Variants in FBXO4 observed in about 807,000 individuals in gnomAD.
FBXO4 encodes F-box protein 4.
FBXO4 carries 36 observed loss-of-function variants against 43.7 expected under a neutral mutation model. The ratio of observed to expected loss-of-function variants is 0.82; its 90% confidence interval spans 0.63 to 1.09. The LOEUF is 1.09. FBXO4 is among the 50% of genes least tolerant of loss of function. The pLI is 0.00. For synonymous variants in FBXO4, 180 were observed against 165.6 expected (o/e 1.09, Z -0.67); for missense variants, 435 against 474.1 (o/e 0.92, Z 0.77).
the FBXO4 span, among the ~76,000 whole-genome samples, chr5:41,954,715 T>A: frequency 6.6e-6 from 1 of 152,342 alleles, no homozygotes; most frequent in South Asian, 2.1e-4. Flanking sequence ...TTTATTTAAA[T>A]CTCTTCATAA....
chr5:42,017,964 T>C, the FBXO4 span, among the ~76,000 whole-genome samples: 1 of 151,962 alleles, frequency 6.6e-6, no homozygotes, highest in Non-Finnish European at 1.5e-5. Context: ...TACTCAGTAA[T>C]TAGATTTCTG....
the FBXO4 span, among the ~76,000 whole-genome samples, chr5:42,034,260 T>TTAGAATCGTAGAATCG: frequency 5.9e-5 from 9 of 152,216 alleles, no homozygotes; most frequent in Admixed American, 5.9e-4. Context: ...ATTCTGGATA[T>TTAGAATCGTAGAATCG]TAGACCTTTG....
chr5:42,007,281 A>G, the FBXO4 span, among the ~76,000 whole-genome samples: 3 of 151,954 alleles, frequency 2.0e-5, no homozygotes, highest in Non-Finnish European at 4.4e-5. Context: ...CTTTTTATGA[A>G]TGATTTATGA....
Position 41,925,296 on chromosome 5 carries a change from G to A in FBXO4, c.-14G>A, listed in dbSNP as rs1751438431. ...CGTGGCTCTAAGACGCGTCACCCACGCTGCGGGCAAGCCATGGCGGGAAGC... is the reference window on the plus strand; with the variant it reads ...CGTGGCTCTAAGACGCGTCACCCACACTGCGGGCAAGCCATGGCGGGAAGC... On this transcript the variant is annotated 5_prime_UTR_variant, in exon 1 of 7. Transcript: ENST00000281623. 1.2e-5 allele frequency: 16 copies of A among 1,324,688 alleles called. No homozygotes were observed. Among genetic ancestry groups the A allele is most frequent in the Non-Finnish European group, 1.5e-5 (15 of 1,031,884 alleles). 82.1% of individuals were successfully genotyped at this position (1,324,688 alleles called of 1,614,324 possible). A position where few individuals can be genotyped will look rare whatever the true frequency, so the allele number is the denominator to read the frequency against.
At chr5:41,954,129 T>G in the FBXO4 span, among the ~76,000 whole-genome samples, 10 of 152,080 alleles carry the variant, frequency 6.6e-5, no homozygotes, top group Non-Finnish European at 8.8e-5. Flanking sequence ...AATATAAAAG[T>G]CAAATAATTT....
At chr5:41,999,695 A>G in the FBXO4 span, among the ~76,000 whole-genome samples, 2 of 151,198 alleles carry the variant, frequency 1.3e-5, no homozygotes, top group South Asian at 4.2e-4. Context: ...GTTCAATGTT[A>G]GAGGGCAGGA....
At chr5:41,931,778 A>C (rs1751694499) in intron 3 of FBXO4, among the ~76,000 whole-genome samples, 2 of 152,218 alleles carry the variant, frequency 1.3e-5, no homozygotes, top group African/African-American at 4.8e-5. Context: ...GATTGGAGAC[A>C]GGTGCTGAAA....
chr5:41,992,550 A>G, the FBXO4 span, among the ~76,000 whole-genome samples: 2 of 152,224 alleles, frequency 1.3e-5, no homozygotes, highest in Non-Finnish European at 2.9e-5. Flanking sequence ...TCTATTGTGG[A>G]AGGCAAATGG....
At chr5:42,004,943 A>C in the FBXO4 span, among the ~76,000 whole-genome samples, 2 of 152,138 alleles carry the variant, frequency 1.3e-5, no homozygotes, top group Admixed American at 1.3e-4. Context: ...GGACGGAGGC[A>C]TTGATTGATT....
chr5:42,037,094 A>G, the FBXO4 span, among the ~76,000 whole-genome samples: 3 of 152,112 alleles, frequency 2.0e-5, no homozygotes, highest in East Asian at 1.9e-4. Flanking sequence ...TTATTTTTGC[A>G]TGGCTTCTAT....
the FBXO4 span, among the ~76,000 whole-genome samples, chr5:42,020,466 T>C: frequency 6.6e-6 from 1 of 152,346 alleles, no homozygotes; most frequent in Middle Eastern, 3.4e-3. Flanking sequence ...GTGAGTGTTG[T>C]ATCACTTAGG....
At chr5:41,999,357 T>C in the FBXO4 span, among the ~76,000 whole-genome samples, 1 of 147,232 alleles carries the variant, frequency 6.8e-6, no homozygotes, top group Non-Finnish European at 1.5e-5. Flanking sequence ...ATGTATTAGT[T>C]AGGGTTCTCT....
the FBXO4 span, among the ~76,000 whole-genome samples, chr5:42,006,224 C>G: frequency 4.6e-5 from 7 of 152,158 alleles, no homozygotes; most frequent in East Asian, 1.3e-3. Flanking sequence ...CTGACATTTC[C>G]TCTTAATATC....
At chr5:42,029,082 C>G in the FBXO4 span, among the ~76,000 whole-genome samples, 1 of 151,902 alleles carries the variant, frequency 6.6e-6, no homozygotes, top group African/African-American at 2.4e-5. Flanking sequence ...CATTCCTTTT[C>G]TTTCTTATTG....
the FBXO4 span, among the ~76,000 whole-genome samples, chr5:41,948,332 T>C: frequency 6.6e-6 from 1 of 152,126 alleles, no homozygotes; most frequent in African/African-American, 2.4e-5. Context: ...AGACGGGGTT[T>C]CACCCTGTTA....
chr5:41,926,579 G>A (rs1751508979), intron 1 of FBXO4, among the ~76,000 whole-genome samples: 1 of 152,028 alleles, frequency 6.6e-6, no homozygotes, highest in South Asian at 2.1e-4. Flanking sequence ...TCTCAAAAAA[G>A]AAAAAGACAA....
chr5:42,036,492 C>T, the FBXO4 span, among the ~76,000 whole-genome samples: 1 of 152,188 alleles, frequency 6.6e-6, no homozygotes, highest in South Asian at 2.1e-4. Context: ...GGGTCGTTAG[C>T]TCTTGTCTTA....
At chr5:42,012,968 C>T in the FBXO4 span, among the ~76,000 whole-genome samples, 1 of 152,060 alleles carries the variant, frequency 6.6e-6, no homozygotes, top group Non-Finnish European at 1.5e-5. Context: ...TCTATTAGTA[C>T]CTACAGTCAC....
At chr5:41,956,659 A>G in the FBXO4 span, among the ~76,000 whole-genome samples, 9 of 148,412 alleles carry the variant, frequency 6.1e-5, no homozygotes, top group South Asian at 8.5e-4. Context: ...TTTTTTTCTG[A>G]TAAGAAGTCA....
Sources: gnomAD v4.1 joint callset for allele counts (sites outside exome capture counted in the v4.1 genomes callset) on GRCh38, gnomAD v4.1.1 for gene constraint, MANE v1.5 for transcripts, NCBI Gene and HGNC (gene_info 2026-07-23, HGNC 2026-07-21) for gene names.